Variants in EPHA6 observed in about 807,000 individuals in gnomAD.
EPHA6 encodes EPH receptor A6.
Under a neutral mutation model 112.0 loss-of-function variants are expected in EPHA6, and 50 were observed. The ratio of observed to expected loss-of-function variants is 0.45; its 90% CI spans 0.36 to 0.56. EPHA6 has a LOEUF of 0.56. Among genes scored for constraint, EPHA6 ranks in the 20% least tolerant of loss-of-function variants. The pLI is 0.00. For synonymous variants in EPHA6, 529 were observed against 490.7 expected, an observed-to-expected ratio of 1.08 and a Z score of -1.03; for missense variants, 1,280 against 1,417.4, an observed-to-expected ratio of 0.90 and a Z score of 1.56.
At chr3:97,694,442 G>T (rs1191250950) in intron 14 of EPHA6, among the ~76,000 whole-genome samples, 1 of 152,042 alleles carries the variant, frequency 6.6e-6, no homozygotes, top group Non-Finnish European at 1.5e-5. Context: ...TCACCATGTT[G>T]GCCAGGCTTG....
chr3:97,152,587 A>G (rs2076196379), intron 3 of EPHA6, among the ~76,000 whole-genome samples: 1 of 151,990 alleles, frequency 6.6e-6, no homozygotes, highest in African/African-American at 2.4e-5. Context: ...GTGTTCAATA[A>G]TATGCAGAAT....
chr3:97,199,065 A>G (rs554152322), intron 3 of EPHA6, among the ~76,000 whole-genome samples: 2 of 152,146 alleles, frequency 1.3e-5, no homozygotes, highest in Non-Finnish European at 2.9e-5. Flanking sequence ...CCTTGAATGT[A>G]CTTGTGTTGG....
At chr3:96,859,211 T>A (rs1487673305) in intron 1 of EPHA6, among the ~76,000 whole-genome samples, 1 of 152,084 alleles carries the variant, frequency 6.6e-6, no homozygotes, top group Admixed American at 6.6e-5. Context: ...ATAATTGTGC[T>A]GTCTTGATTT....
intron 14 of EPHA6, among the ~76,000 whole-genome samples, chr3:97,695,427 T>A (rs1454390992): frequency 6.6e-6 from 1 of 152,254 alleles, no homozygotes; most frequent in African/African-American, 2.4e-5. Context: ...TTGTCTTTTA[T>A]TCAAACATTT....
Position 97,616,000 on chromosome 3 carries a change from T to C in EPHA6, c.2574+5146T>C, listed in dbSNP as rs549177686. 3.9e-5 allele frequency among the ~76,000 whole-genome samples: 6 copies of C among 152,236 alleles called. No individual in the cohort carries two copies. The East Asian group carries it at 7.8e-4, about 20-fold the overall frequency. ...ACTAGACTGCTTCTTGAAGAGTGTA[T>C]CTAATCCTAATCCTCCTGACTGGGT... On this transcript the variant is annotated intron_variant, in intron 13 of 17. Coordinates refer to ENST00000389672, the MANE Select transcript of EPHA6 (RefSeq NM_001080448.3).
At chr3:97,277,711 A>G (rs1230788638) in intron 5 of EPHA6, among the ~76,000 whole-genome samples, 1 of 152,230 alleles carries the variant, frequency 6.6e-6, no homozygotes, top group Non-Finnish European at 1.5e-5. Flanking sequence ...TACAATAAAA[A>G]TACAGTATAA....
intron 3 of EPHA6, among the ~76,000 whole-genome samples, chr3:97,162,374 G>A (rs2076434286): frequency 6.6e-6 from 1 of 152,154 alleles, no homozygotes; most frequent in Admixed American, 6.5e-5. Flanking sequence ...CACCAGCTGA[G>A]TATATCTGTT....
intron 12 of EPHA6, among the ~76,000 whole-genome samples, chr3:97,604,233 G>T (rs1439436231): frequency 6.6e-6 from 1 of 151,676 alleles, no homozygotes; most frequent in Non-Finnish European, 1.5e-5. Flanking sequence ...GTTAAAAAAG[G>T]TTACTTGTCC....
intron 5 of EPHA6, among the ~76,000 whole-genome samples, chr3:97,330,101 C>T (rs1331470561): frequency 1.3e-5 from 2 of 151,860 alleles, no homozygotes; most frequent in Non-Finnish European, 2.9e-5. Flanking sequence ...TTGTTTTTGT[C>T]AGGTTTGTCA....
intron 3 of EPHA6, among the ~76,000 whole-genome samples, chr3:97,152,292 G>A (rs1201458623): frequency 2.0e-5 from 3 of 151,760 alleles, no homozygotes; most frequent in Admixed American, 1.3e-4. Context: ...AATAATAATA[G>A]AGTTTATATT....
At chr3:97,259,280 C>CT (rs2108615343) in intron 5 of EPHA6, among the ~76,000 whole-genome samples, 1 of 152,148 alleles carries the variant, frequency 6.6e-6, no homozygotes, top group South Asian at 2.1e-4. Context: ...ATTCTTTAGG[C>CT]ATAACAATAA....
At chr3:96,942,595 T>A (rs1013804441) in intron 2 of EPHA6, among the ~76,000 whole-genome samples, 1 of 152,234 alleles carries the variant, frequency 6.6e-6, no homozygotes, top group African/African-American at 2.4e-5. Flanking sequence ...CTGCTTAGGC[T>A]AGCACACGGT....
At chr3:97,158,569 A>T (rs2076341045) in intron 3 of EPHA6, among the ~76,000 whole-genome samples, 1 of 152,130 alleles carries the variant, frequency 6.6e-6, no homozygotes, top group African/African-American at 2.4e-5. Context: ...ATGATTTTGA[A>T]GGCTCCAAAT....
At chr3:96,989,753 C>G (rs1467123667) in intron 3 of EPHA6, among the ~76,000 whole-genome samples, 1 of 152,088 alleles carries the variant, frequency 6.6e-6, no homozygotes, top group Non-Finnish European at 1.5e-5. Context: ...GTGCCACACA[C>G]TTTCAAACAA....
intron 15 of EPHA6, among the ~76,000 whole-genome samples, chr3:97,724,649 C>A (rs1432819135): frequency 6.6e-6 from 1 of 151,766 alleles, no homozygotes; most frequent in African/African-American, 2.4e-5. Flanking sequence ...CACCTACAGT[C>A]ACAGTTACTC....
At chr3:97,532,912 A>G (rs2092711706) in intron 11 of EPHA6, among the ~76,000 whole-genome samples, 1 of 152,094 alleles carries the variant, frequency 6.6e-6, no homozygotes, top group Non-Finnish European at 1.5e-5. Flanking sequence ...AATAAATGTC[A>G]TATACAAATA....
chr3:96,983,365 A>G (rs1159499163), intron 2 of EPHA6, among the ~76,000 whole-genome samples: 1 of 152,184 alleles, frequency 6.6e-6, no homozygotes, highest in Non-Finnish European at 1.5e-5. Flanking sequence ...TTCTTTTAGA[A>G]TGTTGAATAT....
At chr3:97,271,050 C>T (rs911216906) in intron 5 of EPHA6, among the ~76,000 whole-genome samples, 1 of 152,156 alleles carries the variant, frequency 6.6e-6, no homozygotes, top group Non-Finnish European at 1.5e-5. Context: ...AACCCCTTCA[C>T]CTGTGACAAT....
intron 3 of EPHA6, among the ~76,000 whole-genome samples, chr3:97,067,531 C>T (rs892916515): frequency 7.1e-5 from 10 of 141,028 alleles, no homozygotes; most frequent in Non-Finnish European, 1.3e-4. Context: ...CTGAAATTAT[C>T]AGGAAAATAT....
Sources: gnomAD v4.1 joint callset for allele counts (sites outside exome capture counted in the v4.1 genomes callset) on GRCh38, gnomAD v4.1.1 for gene constraint, MANE v1.5 for transcripts, NCBI Gene and HGNC (gene_info 2026-07-23, HGNC 2026-07-21) for gene names.